The following PPEF1 variants were observed in gnomAD, a reference collection of about 807,000 sequenced individuals.
PPEF1 encodes protein phosphatase with EF-hand domain 1.
PPEF1 carries 12 observed loss-of-function variants against 53.3 expected under a neutral mutation model. The ratio of observed to expected loss-of-function variants is 0.23; its 90% CI spans 0.14 to 0.36. PPEF1 has a LOEUF of 0.36. Among genes scored for constraint, PPEF1 ranks in the 10% least tolerant of loss-of-function variants. PPEF1 has a pLI of 1.00. For synonymous variants in PPEF1, 165 were observed against 176.7 expected (o/e 0.93, Z 0.52); for missense variants, 334 against 490.4 (o/e 0.68, Z 3.01).
chrX:18,751,200 TTCTTGGTTGCTTGTGCTTTTGGTG>T (rs1427734028), intron 4 of PPEF1, among the ~76,000 whole-genome samples: 6 of 112,020 alleles, frequency 5.4e-5, no homozygotes, highest in African/African-American at 9.7e-5. Context: ...TCCATGTTTT[TTCTTGGTTGCTTGTGCTTTTGGTG>T]TCTTGGTTGC....
chrX:18,772,106 A>G (rs1214953438), intron 6 of PPEF1, among the ~76,000 whole-genome samples: 2 of 111,783 alleles, frequency 1.8e-5, no homozygotes, highest in Non-Finnish European at 3.8e-5. Flanking sequence ...CCGAGATTGC[A>G]TCACTGCACT....
At chrX:18,758,576 G>C (rs776196052) in intron 5 of PPEF1, among the ~76,000 whole-genome samples, 9 of 111,664 alleles carry the variant, frequency 8.1e-5, no homozygotes, top group African/African-American at 2.9e-4. Context: ...CCCTGACTCA[G>C]GTTTTTGAAG....
chrX:18,779,929 G>A (rs997204668), intron 7 of PPEF1, among the ~76,000 whole-genome samples: 1 of 111,523 alleles, frequency 9.0e-6, no homozygotes, highest in African/African-American at 3.3e-5. Context: ...TTGTCTTTGG[G>A]GCAGTTTTGG....
chrX:18,809,091 ATATC>A (rs58192421), intron 12 of PPEF1, among the ~76,000 whole-genome samples: 38,889 of 96,538 alleles, frequency 0.4, 6,460 homozygotes, highest in Non-Finnish European at 0.51. Context: ...ATATCACATT[ATATC>A]TATCTATCTA....
chrX:18,814,330 G>T (rs1174893864), intron 12 of PPEF1, among the ~76,000 whole-genome samples: 1 of 111,631 alleles, frequency 9.0e-6, no homozygotes, highest in African/African-American at 3.2e-5. Flanking sequence ...TTGGTACAAT[G>T]ATTTATTTTC....
chrX:18,743,984 A>G lies in PPEF1; in HGVS notation c.236-5808A>G, dbSNP rs1021644583. On this transcript the variant is annotated intron_variant, in intron 3 of 15. Coordinates refer to ENST00000470157, the MANE Select transcript of PPEF1 (RefSeq NM_001377996.1). ...GCTCCCTGCAACCTCCCCGCTGCCC[A>G]GGTTCAAGTGATTCTCGTGCCTCAG... 6.4e-5 allele frequency among the ~76,000 whole-genome samples: 7 copies of G among 109,755 alleles called. No individual in the cohort carries two copies. In the East Asian group the frequency reaches 2.0e-3, roughly 32 times the overall value.
upstream of PPEF1, among the ~76,000 whole-genome samples, chrX:18,675,241 A>G (rs766435583): frequency 6.4e-4 from 72 of 112,988 alleles, no homozygotes; most frequent in Middle Eastern, 4.6e-3. Context: ...CCCTCAATCG[A>G]GGCGCCGGCG....
In PPEF1 at chrX:18,823,894, C is replaced by A. The variant is rs774785162; in HGVS notation, c.1502-29C>A. The A allele has an allele frequency of 1.3e-5, 15 of 1,193,345 alleles. No homozygotes were observed. The Admixed American group carries it at 2.9e-4, about 23-fold the overall frequency. ...TCTTTAAAATCATATTTTAACAAAT[C>A]ATTTGGGCTTTGTTATTGTTGTTGT... On this transcript the variant is annotated intron_variant, in intron 13 of 15. Coordinates refer to ENST00000470157, the MANE Select transcript of PPEF1 (RefSeq NM_001377996.1).
chrX:18,805,397 C>T (rs1374124473), intron 11 of PPEF1, among the ~76,000 whole-genome samples: 1 of 112,373 alleles, frequency 8.9e-6, no homozygotes, highest in Non-Finnish European at 1.9e-5. Context: ...AATTCATTTT[C>T]AGCTCATACT....
At chrX:18,780,855 C>T (rs180833706) in intron 7 of PPEF1, among the ~76,000 whole-genome samples, 128 of 109,271 alleles carry the variant, frequency 1.2e-3, no homozygotes, top group African/African-American at 4.1e-3. Context: ...GAGATTGAGA[C>T]CATCCTGGCT....
intron 10 of PPEF1, among the ~76,000 whole-genome samples, chrX:18,802,108 G>A (rs1230198478): frequency 3.6e-5 from 4 of 111,073 alleles, no homozygotes; most frequent in South Asian, 7.7e-4. Flanking sequence ...CTCTGTTGCC[G>A]AGGCCACAGT....
intron 4 of PPEF1, among the ~76,000 whole-genome samples, chrX:18,696,560 A>G (rs951838948): frequency 8.9e-6 from 1 of 111,983 alleles, no homozygotes; most frequent in Non-Finnish European, 1.9e-5. Context: ...TATTGTGTAC[A>G]TGATCAAATA....
At chrX:18,739,961 G>T (rs997221742) in intron 3 of PPEF1, among the ~76,000 whole-genome samples, 5 of 112,550 alleles carry the variant, frequency 4.4e-5, no homozygotes, top group African/African-American at 1.6e-4. Context: ...CTCCTAGTGT[G>T]CCATTTGCTA....
Position 18,726,396 on chromosome X carries a change from G to T in PPEF1, c.47-3785G>T, listed in dbSNP as rs868389647. 3.3e-5 allele frequency among the ~76,000 whole-genome samples: 3 copies of T among 89,870 alleles called. No individual in the cohort carries two copies. In the Admixed American group the frequency reaches 3.4e-4, roughly 10 times the overall value. The allele number at this position is 89,870 out of a possible 115,157, so 78.0% of individuals were successfully genotyped here. A position where few individuals can be genotyped will look rare whatever the true frequency, so the allele number is the denominator to read the frequency against. ...TAAATAAATAAATAAATAAATAAAT[G>T]GCGGCCATTATTATTCAAAGGAAGG... On this transcript the variant is annotated intron_variant, in intron 1 of 15. Coordinates refer to ENST00000470157, the MANE Select transcript of PPEF1 (RefSeq NM_001377996.1).
intron 1 of PPEF1, among the ~76,000 whole-genome samples, chrX:18,718,458 G>A (rs1053998259): frequency 4.5e-5 from 5 of 110,809 alleles, no homozygotes; most frequent in Admixed American, 2.9e-4. Context: ...TGTAGTCCCA[G>A]CTACATAGGA....
At chrX:18,714,875 C>A (rs192982091) in intron 1 of PPEF1, among the ~76,000 whole-genome samples, 2 of 111,906 alleles carry the variant, frequency 1.8e-5, no homozygotes, top group East Asian at 5.7e-4. Flanking sequence ...CTCAAGGGAA[C>A]ACAGCAAGTC....
At chrX:18,753,975 T>G (rs920531858) in intron 4 of PPEF1, among the ~76,000 whole-genome samples, 2 of 109,045 alleles carry the variant, frequency 1.8e-5, no homozygotes, top group South Asian at 7.9e-4. Context: ...TTGTGTGTGG[T>G]CTCTGAAATC....
chrX:18,758,802 C>G (rs751427278), intron 5 of PPEF1, among the ~76,000 whole-genome samples: 1 of 111,328 alleles, frequency 9.0e-6, no homozygotes, highest in African/African-American at 3.3e-5. Context: ...ATAGCCCAAA[C>G]TGAGAATGGG....
chrX:18,678,454 C>CA (rs1158513041), upstream of PPEF1, among the ~76,000 whole-genome samples: 92 of 110,710 alleles, frequency 8.3e-4, no homozygotes, highest in African/African-American at 2.7e-3. Context: ...AAAACAAAAG[C>CA]AAAAAAACAG....
Sources: allele counts gnomAD v4.1 joint callset (sites outside exome capture counted in the v4.1 genomes callset), GRCh38; gene constraint gnomAD v4.1.1; transcripts MANE v1.5; gene names NCBI Gene and HGNC (gene_info 2026-07-23, HGNC 2026-07-21).